ERG: variants seen among roughly 807,000 people sequenced by gnomAD.
ERG encodes transcriptional regulator ERG.
Under a neutral mutation model 55.3 loss-of-function variants are expected in ERG, and 9 were observed. The observed-to-expected ratio is 0.16, with a 90% CI of 0.10 to 0.28. ERG has a LOEUF of 0.28. Among genes scored for constraint, ERG ranks in the 10% least tolerant of loss-of-function variants. ERG has a pLI of 1.00. For synonymous variants in ERG, 223 were observed against 237.3 expected, an observed-to-expected ratio of 0.94 and a Z score of 0.55; for missense variants, 434 against 631.6, an observed-to-expected ratio of 0.69 and a Z score of 3.35.
intron 1 of ERG, among the ~76,000 whole-genome samples, chr21:38,638,905 C>T (rs2836581): frequency 0.025 from 3,739 of 152,222 alleles, 142 homozygotes; most frequent in African/African-American, 0.084. Context: ...ATCAGGGACT[C>T]CAGGCTCTGC....
intron 2 of ERG, among the ~76,000 whole-genome samples, chr21:38,434,677 C>T (rs560875698): frequency 3.3e-5 from 5 of 152,318 alleles, no homozygotes; most frequent in Admixed American, 3.3e-4. Context: ...GGTCACCTAA[C>T]CTTTCGAGGC....
At position 38,553,097 on chromosome 21, in the gene ERG, C is replaced by T. The variant is rs2059835042; in HGVS notation, c.-41+22565G>A. On this transcript the variant is annotated intron_variant, in intron 2 of 8. Coordinates refer to the ERG transcript ENST00000398897. ...AATGCAATTCCATTCAAAATAGCAA[C>T]AAAAAAAATACAATACTTAAGGGTA... 2.6e-5 allele frequency among the ~76,000 whole-genome samples: 4 copies of T among 151,430 alleles called. No individual in the cohort carries two copies. In the East Asian group the frequency reaches 5.8e-4, roughly 22 times the overall value.
chr21:38,456,154 A>G (rs1397668373), intron 1 of ERG, among the ~76,000 whole-genome samples: 1 of 152,196 alleles, frequency 6.6e-6, no homozygotes, highest in Non-Finnish European at 1.5e-5. Flanking sequence ...TACCTCCTCC[A>G]TCTCTGAGCA....
At chr21:38,406,740 G>C (rs1456688091) in intron 3 of ERG, among the ~76,000 whole-genome samples, 1 of 152,090 alleles carries the variant, frequency 6.6e-6, no homozygotes, top group Non-Finnish European at 1.5e-5. Context: ...GGTGGAACCG[G>C]ATATTCTCAA....
chr21:38,382,891 T>A lies in ERG; in HGVS notation c.*512A>T. The A allele has an allele frequency of 9.4e-7, 1 of 1,066,588 alleles. No homozygotes were observed. Among genetic ancestry groups the A allele is most frequent in the Non-Finnish European group, 1.1e-6 (1 of 879,782 alleles). The allele number at this position is 1,066,588 out of a possible 1,614,324, so 66.1% of individuals were successfully genotyped here. ...AAACAGCACATGCCATGCAGTTGCA[T>A]ATCAACGTCTGTTGATGGGCCACAG... On this transcript the variant is annotated 3_prime_UTR_variant, in exon 10 of 10. Coordinates refer to ENST00000288319, the MANE Select transcript of ERG (RefSeq NM_182918.4).
intron 1 of ERG, 56 bp from the exon 2 acceptor site, chr21:38,445,677 A>C: frequency 6.7e-7 from 1 of 1,483,538 alleles, no homozygotes; most frequent in Non-Finnish European, 9.4e-7. Context: ...GTCATGTTTC[A>C]AAAAGTTGTT....
At chr21:38,607,437 C>A (rs897521990) in intron 1 of ERG, among the ~76,000 whole-genome samples, 1 of 152,176 alleles carries the variant, frequency 6.6e-6, no homozygotes, top group Non-Finnish European at 1.5e-5. Context: ...TCGAGACCAT[C>A]CTGGCCAACA....
chr21:38,395,335 C>A (rs750257603), intron 6 of ERG: 1 of 227,890 alleles, frequency 4.4e-6, no homozygotes, highest in Non-Finnish European at 8.7e-6. Context: ...CTTCGTAGTT[C>A]TGCTCTTGAC....
rs200581466 is a variant in ERG at position 38,551,275 on chromosome 21, A to G, written c.-41+24387T>C. Among the ~76,000 whole-genome samples the G allele has an allele frequency of 7.3e-5, 11 of 151,128 alleles. No homozygotes were observed. The East Asian group carries it at 2.1e-3, about 29-fold the overall frequency. ...GTCTAGCTAGTTGTCTATCAATCTT[A>G]TTTATTCTTTCAAAAAACCAACTTT... is the stretch of plus-strand genomic sequence containing the variant. On this transcript the variant is annotated intron_variant, in intron 2 of 8. Transcript: ENST00000398897.
intron 9 of ERG, among the ~76,000 whole-genome samples, chr21:38,390,693 T>A (rs1222764788): frequency 1.3e-5 from 2 of 152,194 alleles, no homozygotes; most frequent in African/African-American, 4.8e-5. Context: ...GATTTCAGAC[T>A]TCCAGCCTCC....
intron 2 of ERG, among the ~76,000 whole-genome samples, chr21:38,551,019 G>A (rs2059820642): frequency 6.6e-6 from 1 of 152,204 alleles, no homozygotes; most frequent in African/African-American, 2.4e-5. Flanking sequence ...AATAGCAACA[G>A]AACAATCATT....
At chr21:38,373,882 T>A in the ERG span, among the ~76,000 whole-genome samples, 1 of 152,218 alleles carries the variant, frequency 6.6e-6, no homozygotes, top group Non-Finnish European at 1.5e-5. Flanking sequence ...GTAAACTATT[T>A]TTTTTTAAGC....
At chr21:38,556,297 A>T (rs2059858025) in intron 2 of ERG, among the ~76,000 whole-genome samples, 1 of 152,186 alleles carries the variant, frequency 6.6e-6, no homozygotes, top group Non-Finnish European at 1.5e-5. Flanking sequence ...TGTTAATTGT[A>T]TCTGGGTTGG....
chr21:38,480,731 A>G (rs1675115049), intron 1 of ERG, among the ~76,000 whole-genome samples: 1 of 150,128 alleles, frequency 6.7e-6, no homozygotes, highest in African/African-American at 2.4e-5. Flanking sequence ...TAATTTTGCA[A>G]AACTTTTCAT....
At chr21:38,627,943 C>CT (rs10650499) in intron 1 of ERG, among the ~76,000 whole-genome samples, 25,079 of 142,496 alleles carry the variant, frequency 0.18, 3,026 homozygotes, top group African/African-American at 0.32. Flanking sequence ...GTTTTCTCTT[C>CT]TTTTTTTTTT....
intron 2 of ERG, among the ~76,000 whole-genome samples, chr21:38,558,561 T>C (rs1284084632): frequency 1.3e-5 from 2 of 152,208 alleles, no homozygotes; most frequent in African/African-American, 4.8e-5. Flanking sequence ...TCCAAATCTT[T>C]GAATAGTAAA....
chr21:38,604,147 G>C (rs1312987265), intron 1 of ERG, among the ~76,000 whole-genome samples: 2 of 151,648 alleles, frequency 1.3e-5, no homozygotes, highest in African/African-American at 4.8e-5. Flanking sequence ...CCAGCTATTC[G>C]GGAGGCTGAG....
intron 2 of ERG, among the ~76,000 whole-genome samples, chr21:38,428,744 G>C (rs1989962682): frequency 6.6e-6 from 1 of 152,102 alleles, no homozygotes; most frequent in Non-Finnish European, 1.5e-5. Flanking sequence ...TATTCAGCAG[G>C]TGCCTGTCAA....
intron 1 of ERG, among the ~76,000 whole-genome samples, chr21:38,478,972 G>A (rs945241023): frequency 6.6e-6 from 1 of 152,096 alleles, no homozygotes; most frequent in Non-Finnish European, 1.5e-5. Flanking sequence ...TGTGTGGGCT[G>A]CCCTAAGCTT....
Sources: gnomAD v4.1 joint callset for allele counts (sites outside exome capture counted in the v4.1 genomes callset) on GRCh38, gnomAD v4.1.1 for gene constraint, MANE v1.5 for transcripts, NCBI Gene and HGNC (gene_info 2026-07-23, HGNC 2026-07-21) for gene names.